KIF1B: variants seen among roughly 807,000 people sequenced by gnomAD.
KIF1B encodes kinesin-like protein KIF1B.
KIF1B carries 76 observed loss-of-function variants against 241.9 expected under a neutral mutation model. That is an observed-to-expected ratio of 0.31 (90% CI 0.26 to 0.38). The LOEUF is 0.38. Ranked by LOEUF, KIF1B falls within the 10% of genes least tolerant of loss-of-function variation. The pLI is 1.00. For missense variants in KIF1B, 1,622 were observed against 2,271.4 expected (o/e 0.71, Z 5.81); for synonymous variants, 750 against 796.7 (o/e 0.94, Z 0.99).
intron 38 of KIF1B, among the ~76,000 whole-genome samples, chr1:10,360,310 C>A (rs1223952142): frequency 6.6e-6 from 1 of 152,096 alleles, no homozygotes; most frequent in Non-Finnish European, 1.5e-5. Context: ...ACTCACTTAT[C>A]CATTTCATCT....
intron 7 of KIF1B, among the ~76,000 whole-genome samples, chr1:10,271,103 A>G (rs1406088667): frequency 6.6e-6 from 1 of 151,742 alleles, no homozygotes; most frequent in Non-Finnish European, 1.5e-5. Flanking sequence ...CTAGTAAATT[A>G]TGTCATGTTT....
At chr1:10,294,960 T>A in intron 17 of KIF1B, 126 bp from the exon 18 acceptor site, 1 of 747,498 alleles carries the variant, frequency 1.3e-6, no homozygotes, top group Non-Finnish European at 2.5e-6. Context: ...CAACTAGGGA[T>A]AAAAAGAAAT....
Position 10,365,695 on chromosome 1 carries a change from C to G in KIF1B, c.4752+47C>G, listed in dbSNP as rs1442487929. Reference sequence around the variant, plus strand: ...CTGAACGTCTTCCCACAAGGCTCCACAAACTAGCCTCTCGGTTTATTCATT... The same window carrying G: ...CTGAACGTCTTCCCACAAGGCTCCAGAAACTAGCCTCTCGGTTTATTCATT... On this transcript the variant is annotated intron_variant, in intron 43 of 48. Coordinates refer to ENST00000676179, the MANE Select transcript of KIF1B (RefSeq NM_001365951.3). The surrounding 1 kb of genome is among the most constrained non-coding windows in gnomAD (Gnocchi z 4.0). 1 of 1,612,218 alleles carries G rather than the reference C, an allele frequency of 6.2e-7. No individual in the cohort carries two copies. The highest frequency in any genetic ancestry group is 2.2e-5 in the East Asian group (1 of 44,886).
At chr1:10,361,929 T>G in intron 40 of KIF1B, 104 bp downstream of exon 40, 1 of 1,387,074 alleles carries the variant, frequency 7.2e-7, no homozygotes, top group South Asian at 1.2e-5. Flanking sequence ...AGTTTACAGT[T>G]TATGAACCAT....
At chr1:10,269,239 G>A (rs1648645314) in intron 7 of KIF1B, among the ~76,000 whole-genome samples, 1 of 152,150 alleles carries the variant, frequency 6.6e-6, no homozygotes. Context: ...GCTGGGCCGG[G>A]TATGGTGGCT....
chr1:10,306,756 T>TA (rs1650848432), intron 22 of KIF1B: 3 of 525,584 alleles, frequency 5.7e-6, no homozygotes, highest in African/African-American at 2.8e-5. Context: ...GAACCTGTCT[T>TA]TAAAAAAAAA....
At chr1:10,336,908 G>A (rs1047622221) in intron 29 of KIF1B, among the ~76,000 whole-genome samples, 166 bp downstream of exon 29, 1 of 152,166 alleles carries the variant, frequency 6.6e-6, no homozygotes. Flanking sequence ...AAGGTGTATA[G>A]ACTCAATATT....
intron 22 of KIF1B, among the ~76,000 whole-genome samples, chr1:10,315,285 C>T (rs1175751691): frequency 2.8e-5 from 4 of 145,216 alleles, no homozygotes; most frequent in Admixed American, 1.4e-4. Context: ...TGAAGTGATT[C>T]TCCCGCCTCA....
At chr1:10,372,844 G>A (rs1356705010) in intron 45 of KIF1B, among the ~76,000 whole-genome samples, 1 of 150,440 alleles carries the variant, frequency 6.6e-6, no homozygotes, top group Non-Finnish European at 1.5e-5. Context: ...ATGGAGTTTT[G>A]CTCTCGTTGC....
chr1:10,272,168 T>C, intron 8 of KIF1B, 73 bp from the exon 9 acceptor site: 1 of 966,068 alleles, frequency 1.0e-6, no homozygotes, highest in Non-Finnish European at 1.7e-6. Flanking sequence ...TGGCAAATCA[T>C]ATTTTATGTT....
At chr1:10,356,064 TA>T (rs561770414) in intron 38 of KIF1B, among the ~76,000 whole-genome samples, 1 of 151,736 alleles carries the variant, frequency 6.6e-6, no homozygotes. Context: ...CCTAAAATGT[TA>T]AAAAAAATAC....
chr1:10,364,744 C>G (rs1169031204), intron 41 of KIF1B, among the ~76,000 whole-genome samples: 1 of 151,950 alleles, frequency 6.6e-6, no homozygotes, highest in East Asian at 1.9e-4. Flanking sequence ...CGGTGGCTCA[C>G]GCCTGTAATT....
intron 22 of KIF1B, among the ~76,000 whole-genome samples, chr1:10,314,284 A>G (rs1651207148): frequency 6.6e-6 from 1 of 151,616 alleles, no homozygotes; most frequent in African/African-American, 2.4e-5. Context: ...TGTTGTGGGA[A>G]ATGGTGATGA....
chr1:10,236,008 C>T (rs1433898477), intron 2 of KIF1B, among the ~76,000 whole-genome samples: 2 of 151,936 alleles, frequency 1.3e-5, no homozygotes, highest in African/African-American at 4.8e-5. Context: ...CACGGTGGCT[C>T]AAGCCTCTAA....
chr1:10,214,588 C>CT (rs869065666), intron 1 of KIF1B, among the ~76,000 whole-genome samples: 39 of 142,702 alleles, frequency 2.7e-4, no homozygotes, highest in Non-Finnish European at 2.4e-4. Context: ...GTGCCCTGCC[C>CT]TTTTTTTTTT....
At chr1:10,307,861 T>C in intron 22 of KIF1B, 1 of 1,046,154 alleles carries the variant, frequency 9.6e-7, no homozygotes, top group Non-Finnish European at 1.2e-6. Flanking sequence ...AGACATTCTC[T>C]TTAGTAAGTG....
At chr1:10,272,980 T>G (rs770571237) in intron 9 of KIF1B, 34 bp from the exon 10 acceptor site, 16 of 1,531,750 alleles carry the variant, frequency 1.0e-5, no homozygotes, top group African/African-American at 5.5e-5. Context: ...TATCCTGTGT[T>G]CTTATTTTCT....
At chr1:10,244,446 C>G (rs986822689) in intron 2 of KIF1B, among the ~76,000 whole-genome samples, 1 of 151,096 alleles carries the variant, frequency 6.6e-6, no homozygotes, top group Non-Finnish European at 1.5e-5. Flanking sequence ...TACCAAGTAG[C>G]TAGGCTTACA....
intron 13 of KIF1B, chr1:10,278,755 C>T (rs570032328): frequency 8.1e-6 from 2 of 246,554 alleles, no homozygotes; most frequent in South Asian, 1.9e-4. Flanking sequence ...TGTGCCTATC[C>T]AGTGGCTTAT....
Sources: gnomAD v4.1 joint callset for allele counts (sites outside exome capture counted in the v4.1 genomes callset) on GRCh38, gnomAD v4.1.1 for gene constraint, Gnocchi (gnomAD v3.1) non-coding constraint, MANE v1.5 for transcripts, NCBI Gene and HGNC (gene_info 2026-07-23, HGNC 2026-07-21) for gene names.